The following SYT16 variants were observed in gnomAD, a reference collection of about 807,000 sequenced individuals.
SYT16 encodes synaptotagmin 16, also known as synaptotagmin-16.
Under a neutral mutation model 61.4 loss-of-function variants are expected in SYT16, and 42 were observed. The ratio of observed to expected loss-of-function variants is 0.68; its 90% CI spans 0.53 to 0.89. SYT16 has a LOEUF of 0.89. Ranked by LOEUF, SYT16 falls within the 40% of genes least tolerant of loss-of-function variation. The pLI is 0.00. For missense variants in SYT16, 804 were observed against 807.3 expected, an observed-to-expected ratio of 1.00 and a Z score of 0.05; for synonymous variants, 314 against 302.3, an observed-to-expected ratio of 1.04 and a Z score of -0.40.
chr14:61,856,866 G>T (rs2046791175), intron 1 of SYT16, among the ~76,000 whole-genome samples: 1 of 152,142 alleles, frequency 6.6e-6, no homozygotes, highest in South Asian at 2.1e-4. Flanking sequence ...AGACCTAGCA[G>T]GGATGAGAAG....
In SYT16 at chr14:62,073,073, C is replaced by T. The variant is rs892861121; in HGVS notation, c.737-2062C>T. Reference sequence around the variant, plus strand: ...AATCACCTTTCCCTTTCCTCCTCCTCGCAACTTGACTTGTACCCCAGATTT... The same window carrying T: ...AATCACCTTTCCCTTTCCTCCTCCTTGCAACTTGACTTGTACCCCAGATTT... On this transcript the variant is annotated intron_variant, in intron 4 of 7. Transcript: ENST00000683842. Among the ~76,000 whole-genome samples the T allele has an allele frequency of 3.9e-5, 6 of 152,252 alleles. No individual in the cohort carries two copies. The East Asian group carries it at 5.8e-4, about 15-fold the overall frequency.
At position 61,934,131 on chromosome 14, in the gene SYT16, T is replaced by C. The variant is rs962925535; in HGVS notation, c.-324-36001T>C. 2.6e-5 allele frequency among the ~76,000 whole-genome samples: 4 copies of C among 152,362 alleles called. No individual in the cohort carries two copies. In the East Asian group the frequency reaches 7.7e-4, roughly 29 times the overall value. On this transcript the variant is annotated intron_variant, in intron 1 of 7. Transcript: ENST00000683842. ...TCAACCAGCTTATGAGATATTTCTA[T>C]GCTTATAACATTCATGATTGTATAA...
chr14:61,962,515 G>A (rs2051155888), intron 1 of SYT16, among the ~76,000 whole-genome samples: 2 of 152,026 alleles, frequency 1.3e-5, no homozygotes, highest in African/African-American at 4.8e-5. Flanking sequence ...AATCTAGAGA[G>A]TTTTGAGATT....
In SYT16 at chr14:61,995,856, A is replaced by G. The variant is rs533165368; in HGVS notation, c.-144-20A>G. On this transcript the variant is annotated intron_variant, in intron 2 of 7. Coordinates refer to ENST00000683842, the MANE Select transcript of SYT16 (RefSeq NM_001367656.1). ...GGTTGTAACTTTAACAGGTGTAAGTATTTCTTTCCTCTGTTTCAGCTGGAA... is the reference window on the plus strand; with the variant it reads ...GGTTGTAACTTTAACAGGTGTAAGTGTTTCTTTCCTCTGTTTCAGCTGGAA... The G allele has an allele frequency of 6.2e-4, 417 of 673,866 alleles. 1 individual carries two copies. The highest frequency in any genetic ancestry group is 2.2e-3 in the Admixed American group (66 of 29,692). The allele number at this position is 673,866 out of a possible 1,614,324, so 41.7% of individuals were successfully genotyped here.
Position 62,099,542 on chromosome 14 carries a change from T to A in SYT16, c.1625-852T>A, listed in dbSNP as rs148120412. The stretch of plus-strand genomic sequence containing the variant: ...AGTTGGGGGCATATTGAATGTAAGA[T>A]TAGTGTAAGATTTCAAGAGAAGAAG... On this transcript the variant is annotated intron_variant, in intron 7 of 7. Coordinates refer to ENST00000683842, the MANE Select transcript of SYT16 (RefSeq NM_001367656.1). Among the ~76,000 whole-genome samples, 109 of 152,200 alleles carry A rather than the reference T, an allele frequency of 7.2e-4. 1 individual carries two copies. Among genetic ancestry groups the A allele is most frequent in the Non-Finnish European group, 1.2e-3 (83 of 67,994 alleles).
intron 1 of SYT16, among the ~76,000 whole-genome samples, chr14:61,936,083 A>G (rs217693): frequency 0.72 from 109,921 of 152,054 alleles, 40,786 homozygotes; most frequent in East Asian, 0.94. Flanking sequence ...ATAAGTTTAC[A>G]TATTATTATA....
intron 1 of SYT16, among the ~76,000 whole-genome samples, chr14:61,822,746 AAATG>A (rs2045654499): frequency 6.6e-6 from 1 of 152,202 alleles, no homozygotes; most frequent in Non-Finnish European, 1.5e-5. Flanking sequence ...AGATTTATAA[AAATG>A]AAAACACTCA....
intron 1 of SYT16, among the ~76,000 whole-genome samples, chr14:61,937,282 T>C (rs924802331): frequency 1.5e-4 from 23 of 152,276 alleles, no homozygotes; most frequent in Non-Finnish European, 2.2e-4. Flanking sequence ...CCTTGCAGTT[T>C]GAAATGTTTT....
intron 1 of SYT16, among the ~76,000 whole-genome samples, chr14:61,961,950 G>A (rs2051133086): frequency 2.0e-5 from 3 of 152,110 alleles, no homozygotes; most frequent in Non-Finnish European, 2.9e-5. Flanking sequence ...AAAAGAATGA[G>A]ATTATGTCCT....
At chr14:61,946,788 G>A (rs190671606) in intron 1 of SYT16, among the ~76,000 whole-genome samples, 62 of 152,236 alleles carry the variant, frequency 4.1e-4, no homozygotes, top group African/African-American at 1.1e-3. Context: ...ATTGGGAGTT[G>A]CAACCATATG....
intron 1 of SYT16, among the ~76,000 whole-genome samples, chr14:61,955,955 CCTT>C (rs2050857178): frequency 6.6e-6 from 1 of 151,778 alleles, no homozygotes; most frequent in South Asian, 2.1e-4. Context: ...AACACTTGCT[CCTT>C]TTTTCTTTTA....
chr14:61,865,220 G>C (rs1273413369), intron 1 of SYT16: 4 of 1,070,830 alleles, frequency 3.7e-6, no homozygotes, highest in Non-Finnish European at 5.7e-6. Flanking sequence ...GGATTCTGGG[G>C]CACCCCATCT....
chr14:62,069,563 T>C, intron 3 of SYT16, 40 bp from the exon 4 acceptor site: 1 of 1,582,702 alleles, frequency 6.3e-7, no homozygotes, highest in Non-Finnish European at 8.7e-7. Flanking sequence ...TTCGAGCATA[T>C]AGGCCACACA....
chr14:61,901,765 T>TAATA (rs1566665021), intron 1 of SYT16, among the ~76,000 whole-genome samples: 120 of 141,938 alleles, frequency 8.5e-4, no homozygotes, highest in African/African-American at 3.1e-3. Context: ...TAATAATAAT[T>TAATA]ATTATTATTA....
intron 3 of SYT16, among the ~76,000 whole-genome samples, chr14:62,019,067 A>G (rs2140748453): frequency 6.6e-6 from 1 of 152,330 alleles, no homozygotes; most frequent in South Asian, 2.1e-4. Context: ...ACTGTGAGAC[A>G]TTTTTAGTTT....
At chr14:61,985,310 G>A (rs1441924408) in intron 2 of SYT16, among the ~76,000 whole-genome samples, 1 of 152,198 alleles carries the variant, frequency 6.6e-6, no homozygotes, top group African/African-American at 2.4e-5. Context: ...GATTTAGATA[G>A]AGACTTTCAA....
At chr14:62,048,633 T>C (rs992706130) in intron 3 of SYT16, among the ~76,000 whole-genome samples, 4 of 152,262 alleles carry the variant, frequency 2.6e-5, no homozygotes, top group African/African-American at 4.8e-5. Flanking sequence ...AAGTTCCCTC[T>C]ACACACTGCT....
chr14:61,964,980 G>T (rs766834155), intron 1 of SYT16, among the ~76,000 whole-genome samples: 3 of 151,668 alleles, frequency 2.0e-5, no homozygotes, highest in African/African-American at 7.3e-5. Flanking sequence ...GCACATTTAA[G>T]AAACTACAGT....
At chr14:62,009,994 A>G (rs980509487) in intron 3 of SYT16, among the ~76,000 whole-genome samples, 12 of 152,088 alleles carry the variant, frequency 7.9e-5, no homozygotes, top group Admixed American at 4.6e-4. Flanking sequence ...CTTCCTATTC[A>G]TTTGACATCC....
Sources: gnomAD v4.1 joint callset for allele counts (sites outside exome capture counted in the v4.1 genomes callset) on GRCh38, gnomAD v4.1.1 for gene constraint, MANE v1.5 for transcripts, NCBI Gene and HGNC (gene_info 2026-07-23, HGNC 2026-07-21) for gene names.